Variants in DNAH17 observed in about 807,000 individuals in gnomAD.
DNAH17 encodes axonemal beta dynein heavy chain 17.
DNAH17 carries 376 observed loss-of-function variants against 485.6 expected under a neutral mutation model. That is an observed-to-expected ratio of 0.77 (90% CI 0.71 to 0.84). The LOEUF (loss-of-function observed/expected upper bound fraction) is 0.84, where lower values mean the gene tolerates loss of function less well. DNAH17 is among the 40% of genes least tolerant of loss of function. DNAH17 has a pLI of 0.00. For missense variants in DNAH17, 6,370 were observed against 5,839.3 expected (o/e 1.09, Z -2.96); for synonymous variants, 3,031 against 2,405.9 (o/e 1.26, Z -7.60).
Position 78,539,964 on chromosome 17 carries a change from G to T in DNAH17, c.2533-84C>A, listed in dbSNP as rs368170742. The T allele has an allele frequency of 1.4e-5, 19 of 1,353,038 alleles. No individual in the cohort carries two copies. In the Admixed American group the frequency reaches 2.4e-4, roughly 17 times the overall value. The allele number at this position is 1,353,038 out of a possible 1,614,324, so 83.8% of individuals were successfully genotyped here. A position where few individuals can be genotyped will look rare whatever the true frequency, so the allele number is the denominator to read the frequency against. On this transcript the variant is annotated intron_variant, in intron 17 of 80. Transcript: ENST00000389840. ...ACACTGTTTAGTGCCTCTCTGGACCGCCCGTCCATGTTCACACGCCGGACA... is the reference window on the plus strand; with the variant it reads ...ACACTGTTTAGTGCCTCTCTGGACCTCCCGTCCATGTTCACACGCCGGACA...
chr17:78,486,284 G>C lies in DNAH17; in HGVS notation c.7041C>G (p.Tyr2347Ter), dbSNP rs145820267. 11 of 1,610,834 alleles carry C rather than the reference G, an allele frequency of 6.8e-6. No individual in the cohort carries two copies. Among genetic ancestry groups the C allele is most frequent in the Non-Finnish European group, 9.3e-6 (11 of 1,177,584 alleles). ...AGCAGGTGAACACGAAGTACAGCTC[G>C]TACAGCTCCCTGGGGGAGTCGGGGG... ...TVPPDSPREL[Y>*]ELYFVFTCFW... is the part of the protein sequence containing the mutation. Residue 2347 changes from tyrosine (Y) to a stop codon, truncating the protein, a stop_gained, in exon 45 of 81, where the codon TAC becomes TAG. Coordinates refer to ENST00000389840, the MANE Select transcript of DNAH17 (RefSeq NM_173628.4). LOFTEE classifies it high-confidence loss of function.
At chr17:78,456,677 G>A (rs957374455) in intron 62 of DNAH17, among the ~76,000 whole-genome samples, 1 of 152,244 alleles carries the variant, frequency 6.6e-6, no homozygotes, top group Non-Finnish European at 1.5e-5. Context: ...GTGTTGGCAT[G>A]TTTGTTGCAA....
At chr17:78,536,751 G>T (rs989220037) in intron 19 of DNAH17, among the ~76,000 whole-genome samples, 3 of 149,758 alleles carry the variant, frequency 2.0e-5, no homozygotes, top group Non-Finnish European at 4.5e-5. Context: ...CGTGTCGGGG[G>T]GTTGGAAGGA....
intron 29 of DNAH17, 32 bp from the exon 30 acceptor site, chr17:78,506,878 G>C (rs558009338): frequency 1.2e-6 from 2 of 1,613,304 alleles, no homozygotes; most frequent in African/African-American, 2.7e-5. Context: ...GAGGAGGCCG[G>C]TGACCCTACT....
intron 25 of DNAH17, among the ~76,000 whole-genome samples, chr17:78,518,415 T>C (rs1446515285): frequency 1.3e-5 from 2 of 152,142 alleles, no homozygotes; most frequent in South Asian, 2.1e-4. Flanking sequence ...GAACATTACA[T>C]AATGGGAAAA....
chr17:78,486,277 A>G lies in DNAH17; in HGVS notation c.7048T>C (p.Tyr2350His). ...GCCCAGAAGCAGGTGAACACGAAGTACAGCTCGTACAGCTCCCTGGGGGAG... is the reference window on the plus strand; with the variant it reads ...GCCCAGAAGCAGGTGAACACGAAGTGCAGCTCGTACAGCTCCCTGGGGGAG... ...PDSPRELYEL[Y>H]FVFTCFWAFG... Residue 2350 changes from tyrosine (Y) to histidine (H), a missense_variant, in exon 45 of 81, where the codon TAC (tyrosine) becomes CAC (histidine). Tyr to His is a moderately conservative substitution (Grantham distance 83). Transcript: ENST00000389840. 1 of 1,607,032 alleles carries G rather than the reference A, an allele frequency of 6.2e-7. No individual in the cohort carries two copies.
At chr17:78,462,769 G>T (rs1002245522) in intron 57 of DNAH17, 75 bp downstream of exon 57, 13 of 1,455,208 alleles carry the variant, frequency 8.9e-6, no homozygotes, top group Non-Finnish European at 1.2e-5. Context: ...GCCCGTGGAT[G>T]CCTGTGACAG....
At chr17:78,542,872 TG>T (rs2143468280) in intron 17 of DNAH17, among the ~76,000 whole-genome samples, 1 of 152,348 alleles carries the variant, frequency 6.6e-6, no homozygotes, top group African/African-American at 2.4e-5. Context: ...CACTCATGGA[TG>T]GGAAATCCAC....
Position 78,561,975 on chromosome 17 carries a change from C to T in DNAH17, c.1575G>A (p.Leu525=), listed in dbSNP as rs1449956676. 1 of 1,593,908 alleles carries T rather than the reference C, an allele frequency of 6.3e-7. No individual in the cohort carries two copies. Among genetic ancestry groups the T allele is most frequent in the Admixed American group, 1.7e-5 (1 of 57,406 alleles). Residue 525 remains leucine, a synonymous_variant, in exon 12 of 81, where the codon CTG becomes CTA. Transcript: ENST00000389840. Reference sequence around the variant, plus strand: ...GCTCCATGAGGCCCCCACACATGTACAGGAGCTGAGGACAAAGGAGAAGGG... The same window carrying T: ...GCTCCATGAGGCCCCCACACATGTATAGGAGCTGAGGACAAAGGAGAAGGG... ...CSCIKSSAKL[L]YMCGGLMERP...
Position 78,460,234 on chromosome 17 carries a change from G to A in DNAH17, c.9363C>T (p.Ala3121=). 6.2e-7 allele frequency: 1 copy of A among 1,604,264 alleles called. No individual in the cohort carries two copies. The highest frequency in any genetic ancestry group is 8.5e-7 in the Non-Finnish European group (1 of 1,174,662). Reference sequence around the variant, plus strand: ...CTGCTTTGGCCAGGTCTGTTTCACAGGCCTTTTGCTTCTCAGTGACGTTCT... The same window carrying A: ...CTGCTTTGGCCAGGTCTGTTTCACAAGCCTTTTGCTTCTCAGTGACGTTCT... ...INKNVTEKQK[A]CETDLAKAEP... is the part of the protein sequence containing the mutation. Residue 3121 remains alanine (A), a synonymous_variant, in exon 59 of 81, where the codon GCC becomes GCT. Transcript: ENST00000389840.
At position 78,500,351 on chromosome 17, in the gene DNAH17, C is replaced by A; in HGVS notation, c.5594G>T (p.Gly1865Val). Residue 1865 changes from glycine to valine, a missense_variant, in exon 36 of 81, where the codon GGC becomes GTC. By Grantham distance (109) the Gly-to-Val change is moderately radical. Coordinates refer to ENST00000389840, the MANE Select transcript of DNAH17 (RefSeq NM_173628.4). ...GCAGTTGAAGACGTAGACCATGGTG[C>A]CCAGGGCTCTGCCCAGGTCCTTGGT... ...ETTKDLGRAL[G>V]TMVYVFNCSE... is the part of the protein sequence containing the mutation. 1 of 1,612,722 alleles carries A rather than the reference C, an allele frequency of 6.2e-7. No individual in the cohort carries two copies. The highest frequency in any genetic ancestry group is 8.5e-7 in the Non-Finnish European group (1 of 1,179,432).
At chr17:78,488,818 A>G (rs1382762386) in intron 44 of DNAH17, among the ~76,000 whole-genome samples, 2 of 152,096 alleles carry the variant, frequency 1.3e-5, no homozygotes, top group African/African-American at 4.8e-5. Context: ...CATACAGAGA[A>G]GGCCACGTGG....
At chr17:78,448,793 C>G (rs597743) in intron 69 of DNAH17, among the ~76,000 whole-genome samples, 2 of 152,118 alleles carry the variant, frequency 1.3e-5, no homozygotes, top group Non-Finnish European at 2.9e-5. Context: ...TGCTCTCTCT[C>G]GCCCTCTAGC....
At chr17:78,498,441 T>C (rs1341061075) in intron 37 of DNAH17, among the ~76,000 whole-genome samples, 1 of 152,236 alleles carries the variant, frequency 6.6e-6, no homozygotes, top group Admixed American at 6.5e-5. Flanking sequence ...TTGTTTAAAA[T>C]GCAGAAATGC....
intron 9 of DNAH17, among the ~76,000 whole-genome samples, chr17:78,567,997 C>T (rs1336644983): frequency 6.6e-6 from 1 of 152,154 alleles, no homozygotes; most frequent in African/African-American, 2.4e-5. Context: ...TGCTATTCTC[C>T]CAGGTCCACG....
rs1329569341 is a variant in DNAH17, at chr17:78,450,706, G to A, written c.10875C>T (p.His3625=). The change falls in exon 67 of 81, where the codon CAC becomes CAT. Residue 3625 remains histidine (H), a synonymous_variant. Transcript: ENST00000389840. ...CCTTCTCCTCGATCTCGCTGGCTGT[G>A]TGCTTGGTGGTCTCCAGATTCTCCA... The part of the protein sequence containing the change: ...ALVENLETTK[H]TASEIEEKVV... The A allele has an allele frequency of 3.7e-6, 6 of 1,613,648 alleles. No individual in the cohort carries two copies. The highest frequency in any genetic ancestry group is 3.3e-5 in the Admixed American group (2 of 59,976).
chr17:78,525,792 G>A (rs1456167411), intron 24 of DNAH17, among the ~76,000 whole-genome samples: 1 of 152,236 alleles, frequency 6.6e-6, no homozygotes, highest in Non-Finnish European at 1.5e-5. Flanking sequence ...TCCAGCCCGG[G>A]GCCCTAGGGA....
intron 6 of DNAH17, 92 bp downstream of exon 6, chr17:78,570,856 C>CAAAAAAAAAAAAAAAAAAAAAAAA (rs60897530): frequency 8.6e-5 from 25 of 292,114 alleles, no homozygotes; most frequent in African/African-American, 2.7e-4. Flanking sequence ...GACTCCCTCT[C>CAAAAAAAAAAAAAAAAAAAAAAAA]AAAAAAAAAA....
At chr17:78,424,278 A>G in intron 80 of DNAH17, 125 bp from the exon 81 acceptor site, 2 of 1,272,486 alleles carry the variant, frequency 1.6e-6, no homozygotes, top group South Asian at 3.1e-5. Flanking sequence ...AAAAGGCTTC[A>G]GGCCAGCTGC....
Sources: gnomAD v4.1 joint callset for allele counts (sites outside exome capture counted in the v4.1 genomes callset) on GRCh38, gnomAD v4.1.1 for gene constraint, MANE v1.5 for transcripts, NCBI Gene and HGNC (gene_info 2026-07-23, HGNC 2026-07-21) for gene names.